The following NUCB2 variants were observed in gnomAD, a reference collection of about 807,000 sequenced individuals.
NUCB2 encodes nucleobindin-2.
A neutral mutation model predicts 57.9 loss-of-function variants in NUCB2; 48 were observed. The ratio of observed to expected loss-of-function variants is 0.83; its 90% confidence interval spans 0.66 to 1.05. The LOEUF (loss-of-function observed/expected upper bound fraction) is 1.05. Among genes scored for constraint, NUCB2 ranks in the 50% least tolerant of loss-of-function variants. NUCB2 has a pLI of 0.00. For synonymous variants in NUCB2, 139 were observed against 152.1 expected (o/e 0.91, Z 0.64); for missense variants, 442 against 476.2 (o/e 0.93, Z 0.67).
At chr11:17,281,736 T>C (rs899048916) in intron 1 of NUCB2, among the ~76,000 whole-genome samples, 1 of 152,194 alleles carries the variant, frequency 6.6e-6, no homozygotes, top group Non-Finnish European at 1.5e-5. Context: ...AAAAGTCATA[T>C]AACTTTCCAA....
intron 1 of NUCB2, among the ~76,000 whole-genome samples, chr11:17,281,771 T>C (rs986933664): frequency 2.0e-5 from 3 of 152,122 alleles, no homozygotes; most frequent in African/African-American, 7.2e-5. Context: ...GTGATTACTC[T>C]CCTGCATAGA....
intron 13 of NUCB2, 23 bp downstream of exon 13, chr11:17,331,006 TTA>T: frequency 7.0e-7 from 1 of 1,432,498 alleles, no homozygotes; most frequent in Non-Finnish European, 9.7e-7. Flanking sequence ...GTTTGATTAT[TTA>T]TTTAGGAAAA....
At chr11:17,340,746 A>G (rs953857896) in intron 2 of NUCB2, among the ~76,000 whole-genome samples, 2 of 152,004 alleles carry the variant, frequency 1.3e-5, no homozygotes, top group South Asian at 4.2e-4. Context: ...TGTTTTGGTT[A>G]CTGTAGCCTG....
chr11:17,311,972 C>CT (rs978386547), intron 9 of NUCB2, 42 bp downstream of exon 9: 2 of 1,541,382 alleles, frequency 1.3e-6, no homozygotes, highest in African/African-American at 1.4e-5. Context: ...TGTTCTCTCT[C>CT]TTTTTTTCCT....
In NUCB2 at chr11:17,284,767, C is replaced by G. The variant is rs184796186; in HGVS notation, c.-1+1824C>G. Reference sequence around the variant, plus strand: ...ACTGAGAATGTCTGTTTGGTGAATACCATTTTCATGACTTTTAATTTTTTT... The same window carrying G: ...ACTGAGAATGTCTGTTTGGTGAATAGCATTTTCATGACTTTTAATTTTTTT... On this transcript the variant is annotated intron_variant, in intron 2 of 13. Transcript: ENST00000529010. 1.3e-4 allele frequency among the ~76,000 whole-genome samples: 20 copies of G among 152,188 alleles called. No homozygotes were observed. The East Asian group carries it at 3.7e-3, about 28-fold the overall frequency.
intron 11 of NUCB2, among the ~76,000 whole-genome samples, chr11:17,325,679 T>C (rs1950576388): frequency 6.6e-6 from 1 of 152,172 alleles, no homozygotes; most frequent in African/African-American, 2.4e-5. Flanking sequence ...TTCAAAGTTA[T>C]TATTATTGAT....
downstream of NUCB2, chr11:17,333,576 C>G (rs1241923448): frequency 6.6e-6 from 1 of 152,304 alleles, no homozygotes; most frequent in East Asian, 1.9e-4. Flanking sequence ...TGTGTGCTCT[C>G]CATCCCCTTT....
chr11:17,316,130 C>G (rs1949212541), intron 11 of NUCB2, among the ~76,000 whole-genome samples: 1 of 152,064 alleles, frequency 6.6e-6, no homozygotes, highest in Admixed American at 6.6e-5. Flanking sequence ...CGCCACCACG[C>G]CCGGCTAATT....
chr11:17,334,463 T>G (rs1320216501), downstream of NUCB2: 1 of 152,232 alleles, frequency 6.6e-6, no homozygotes, highest in African/African-American at 2.4e-5. Context: ...GTTACTTGGC[T>G]CTGAGTAAAA....
intron 10 of NUCB2, among the ~76,000 whole-genome samples, chr11:17,313,423 G>A (rs1356980752): frequency 3.3e-5 from 5 of 151,940 alleles, no homozygotes; most frequent in Non-Finnish European, 2.9e-5. Flanking sequence ...CCAGCTACTC[G>A]GGAGGCTGAG....
intron 10 of NUCB2, 84 bp downstream of exon 10, chr11:17,312,204 A>C: frequency 5.0e-6 from 4 of 792,278 alleles, no homozygotes; most frequent in Non-Finnish European, 8.0e-6. Context: ...GAAAATATAC[A>C]GAATTTGTAT....
At chr11:17,292,874 G>C (rs1945166040) in intron 2 of NUCB2, among the ~76,000 whole-genome samples, 1 of 152,128 alleles carries the variant, frequency 6.6e-6, no homozygotes, top group Non-Finnish European at 1.5e-5. Flanking sequence ...ATAAGCATGG[G>C]GATCAATTAA....
Position 17,310,873 on chromosome 11 carries a change from A to T in NUCB2, c.532A>T (p.Lys178Ter), listed in dbSNP as rs967846073. The T allele has an allele frequency of 2.5e-6, 4 of 1,592,992 alleles. 1 individual carries two copies. In the Admixed American group the frequency reaches 5.6e-5, roughly 22 times the overall value. ...TGACAAGACTCGTCATGAAGAATTTAAAAAATATGAAATGATGAAGGAACA... is the reference window on the plus strand; with the variant it reads ...TGACAAGACTCGTCATGAAGAATTTTAAAAATATGAAATGATGAAGGAACA... ...HYDKTRHEEFKKYEMMKEHER... is the reference protein window; with the variant it reads ...HYDKTRHEEF Residue 178 changes from lysine (K) to a stop codon, truncating the protein, a stop_gained, in exon 7 of 14, where the codon AAA (lysine) becomes TAA (stop). Coordinates refer to ENST00000529010, the MANE Select transcript of NUCB2 (RefSeq NM_005013.4). LOFTEE classifies it high-confidence loss of function.
intron 2 of NUCB2, among the ~76,000 whole-genome samples, chr11:17,292,238 C>A (rs1945061434): frequency 6.6e-6 from 1 of 152,064 alleles, no homozygotes; most frequent in Non-Finnish European, 1.5e-5. Context: ...GTAAGTGGTG[C>A]AGCTGTAACT....
chr11:17,320,543 G>A (rs1384138663), intron 11 of NUCB2, among the ~76,000 whole-genome samples: 1 of 152,106 alleles, frequency 6.6e-6, no homozygotes, highest in African/African-American at 2.4e-5. Context: ...TGTAATCCCA[G>A]CTGCTCGGGA....
At chr11:17,324,575 AGGTGCATGC>A (rs1950427489) in intron 11 of NUCB2, among the ~76,000 whole-genome samples, 1 of 152,030 alleles carries the variant, frequency 6.6e-6, no homozygotes, top group Non-Finnish European at 1.5e-5. Flanking sequence ...CTGGAATTAC[AGGTGCATGC>A]CACCACGCCC....
chr11:17,279,644 A>G (rs1942117189), intron 1 of NUCB2, among the ~76,000 whole-genome samples: 2 of 152,230 alleles, frequency 1.3e-5, no homozygotes, highest in African/African-American at 4.8e-5. Context: ...AACTGCAGAA[A>G]GTGAAATCGC....
chr11:17,309,069 T>C lies in NUCB2; in HGVS notation c.380-503T>C, dbSNP rs541299340. On this transcript the variant is annotated intron_variant, in intron 5 of 13. Transcript: ENST00000529010. ...TGGCTCATGCCTGTAACCCCAGCACTTTGAGAGGCTGAGTTGGGAGGATCA... is the reference window on the plus strand; with the variant it reads ...TGGCTCATGCCTGTAACCCCAGCACCTTGAGAGGCTGAGTTGGGAGGATCA... Among the ~76,000 whole-genome samples the C allele has an allele frequency of 3.5e-4, 54 of 152,252 alleles. No individual in the cohort carries two copies. In the South Asian group the frequency reaches 0.011, roughly 31 times the overall value.
chr11:17,293,536 A>T (rs2036316627), intron 2 of NUCB2, among the ~76,000 whole-genome samples: 1 of 152,144 alleles, frequency 6.6e-6, no homozygotes, highest in South Asian at 2.1e-4. Flanking sequence ...CAGCAATTCT[A>T]CTCCTAGTTA....
Sources: gnomAD v4.1 joint callset for allele counts (sites outside exome capture counted in the v4.1 genomes callset) on GRCh38, gnomAD v4.1.1 for gene constraint, MANE v1.5 for transcripts, NCBI Gene and HGNC (gene_info 2026-07-23, HGNC 2026-07-21) for gene names.